The following TRIQK variants were observed in gnomAD, a reference collection of about 807,000 sequenced individuals.
The protein encoded by TRIQK is triple QxxK/R motif-containing protein.
A neutral mutation model predicts 10.8 loss-of-function variants in TRIQK; 10 were observed. The observed-to-expected ratio is 0.92, with a 90% confidence interval of 0.57 to 1.57. The LOEUF (loss-of-function observed/expected upper bound fraction) is 1.57. TRIQK is among the 40% of genes most tolerant of loss of function. The pLI is 0.00. For synonymous variants in TRIQK, 33 were observed against 33.7 expected (o/e 0.98, Z 0.07); for missense variants, 107 against 97.7 (o/e 1.09, Z -0.40).
At chr8:92,946,674 G>T (rs1037710566) in intron 2 of TRIQK, among the ~76,000 whole-genome samples, 4 of 151,600 alleles carry the variant, frequency 2.6e-5, no homozygotes, top group Non-Finnish European at 1.5e-5. Flanking sequence ...CACATTACTA[G>T]CCATAATAAT....
chr8:92,996,095 CAA>C (rs1813151525), intron 1 of TRIQK, among the ~76,000 whole-genome samples: 2 of 151,962 alleles, frequency 1.3e-5, no homozygotes, highest in African/African-American at 4.8e-5. Flanking sequence ...GAGATTTTAT[CAA>C]TGTAAATAAA....
chr8:92,923,473 A>G (rs955072962), intron 2 of TRIQK, among the ~76,000 whole-genome samples: 1 of 151,874 alleles, frequency 6.6e-6, no homozygotes, highest in Non-Finnish European at 1.5e-5. Context: ...TCCCTGAGGA[A>G]CTAACTTGCT....
chr8:92,909,866 G>A (rs1383013434), intron 3 of TRIQK, among the ~76,000 whole-genome samples: 1 of 151,660 alleles, frequency 6.6e-6, no homozygotes, highest in African/African-American at 2.4e-5. Context: ...CCATGGGGAT[G>A]TAGAGAAGTA....
At chr8:92,946,680 A>T (rs2130637238) in intron 2 of TRIQK, among the ~76,000 whole-genome samples, 1 of 152,100 alleles carries the variant, frequency 6.6e-6, no homozygotes, top group Admixed American at 6.5e-5. Context: ...ACTAGCCATA[A>T]TAATAATCTC....
At chr8:93,004,125 C>T in intron 1 of TRIQK, among the ~76,000 whole-genome samples, 1 of 152,344 alleles carries the variant, frequency 6.6e-6, no homozygotes, top group East Asian at 1.9e-4. Context: ...CACATTTCTC[C>T]TCTGCACTGC....
intron 2 of TRIQK, among the ~76,000 whole-genome samples, chr8:92,949,676 GAA>G (rs1258903204): frequency 3.2e-4 from 5 of 15,864 alleles, no homozygotes; most frequent in African/African-American, 2.0e-3. Flanking sequence ...GAGAAGGAAA[GAA>G]AGAAAGAAAG....
At chr8:92,911,725 T>C (rs1809577502) in intron 3 of TRIQK, among the ~76,000 whole-genome samples, 3 of 150,888 alleles carry the variant, frequency 2.0e-5, no homozygotes, top group East Asian at 1.9e-4. Context: ...AACAGGAAGA[T>C]ATAATGATTA....
chr8:92,922,105 C>A (rs1022777458), intron 2 of TRIQK: 36 of 151,550 alleles, frequency 2.4e-4, no homozygotes, highest in African/African-American at 8.2e-4. Flanking sequence ...TCTAATAAAC[C>A]ATGTAGTTAT....
intron 1 of TRIQK, among the ~76,000 whole-genome samples, chr8:93,014,841 T>C (rs1278705570): frequency 6.6e-6 from 1 of 152,066 alleles, no homozygotes; most frequent in East Asian, 1.9e-4. Flanking sequence ...TGATTGTTAG[T>C]TATTGAAGTC....
rs1816476565 is a variant in TRIQK at position 92,886,374 on chromosome 8, T to C, written c.*248A>G. 4.2e-6 allele frequency: 1 copy of C among 239,978 alleles called. No homozygotes were observed. Among genetic ancestry groups the C allele is most frequent in the Non-Finnish European group, 8.0e-6 (1 of 125,362 alleles). 14.9% of individuals were successfully genotyped at this position (239,978 alleles called of 1,614,324 possible). ...GGATCTGGTTCCCATTTCATCTAAA[T>C]GTACCATGTATAGGGTGGCTGTCAA... On this transcript the variant is annotated 3_prime_UTR_variant, in exon 5 of 5. Coordinates refer to ENST00000521988, the MANE Select transcript of TRIQK (RefSeq NM_001171797.2).
intron 2 of TRIQK, among the ~76,000 whole-genome samples, chr8:92,935,170 C>T (rs1229057480): frequency 1.3e-5 from 2 of 151,472 alleles, no homozygotes; most frequent in African/African-American, 4.8e-5. Context: ...AGTTAATTGT[C>T]GGCCTTTTTA....
chr8:93,000,420 G>C (rs1223452889), intron 1 of TRIQK, among the ~76,000 whole-genome samples: 1 of 152,092 alleles, frequency 6.6e-6, no homozygotes, highest in Non-Finnish European at 1.5e-5. Flanking sequence ...GCATGTGGAG[G>C]GGAACTGCCC....
chr8:92,945,550 T>C (rs1811486900), intron 2 of TRIQK, among the ~76,000 whole-genome samples: 1 of 152,252 alleles, frequency 6.6e-6, no homozygotes, highest in African/African-American at 2.4e-5. Flanking sequence ...TGACTTGTCC[T>C]GTACAGCCTG....
intron 3 of TRIQK, among the ~76,000 whole-genome samples, chr8:92,915,692 G>T (rs1809798822): frequency 6.6e-6 from 1 of 150,946 alleles, no homozygotes. Context: ...GTAGAGACAG[G>T]GTTTCACCAT....
chr8:92,992,920 T>C (rs1813112262), intron 1 of TRIQK, among the ~76,000 whole-genome samples: 1 of 152,230 alleles, frequency 6.6e-6, no homozygotes, highest in African/African-American at 2.4e-5. Flanking sequence ...ATGAAGAGAC[T>C]GATTCATTTA....
At chr8:92,992,686 C>T (rs772004610) in intron 1 of TRIQK, among the ~76,000 whole-genome samples, 6 of 152,158 alleles carry the variant, frequency 3.9e-5, no homozygotes, top group Non-Finnish European at 2.9e-5. Context: ...CTGAGAACTC[C>T]AAGAGCTTGC....
intron 1 of TRIQK, chr8:92,973,030 T>A (rs909312201): frequency 6.6e-6 from 1 of 152,226 alleles, no homozygotes; most frequent in Non-Finnish European, 1.5e-5. Flanking sequence ...TGGTGCCTCG[T>A]GAGCACAGAA....
At chr8:93,009,118 G>T (rs1813302792) in intron 1 of TRIQK, among the ~76,000 whole-genome samples, 1 of 151,994 alleles carries the variant, frequency 6.6e-6, no homozygotes, top group Admixed American at 6.6e-5. Flanking sequence ...AAAATATGAG[G>T]AACTCCACTC....
intron 2 of TRIQK, among the ~76,000 whole-genome samples, chr8:92,933,486 T>G (rs1810834289): frequency 6.6e-6 from 1 of 152,058 alleles, no homozygotes; most frequent in African/African-American, 2.4e-5. Context: ...AGACATATGC[T>G]CCACGCTATG....
Sources: gnomAD v4.1 joint callset for allele counts (sites outside exome capture counted in the v4.1 genomes callset) on GRCh38, gnomAD v4.1.1 for gene constraint, MANE v1.5 for transcripts, NCBI Gene and HGNC (gene_info 2026-07-23, HGNC 2026-07-21) for gene names.